METTL16: variants seen among roughly 807,000 people sequenced by gnomAD.
METTL16 encodes RNA N(6)-adenosine-methyltransferase METTL16.
In METTL16, 19 loss-of-function variants were observed where a neutral mutation model predicts 57.9. That is an observed-to-expected ratio of 0.33 (90% confidence interval 0.23 to 0.48). The LOEUF (loss-of-function observed/expected upper bound fraction) is 0.48, where lower values mean the gene tolerates loss of function less well. Among genes scored for constraint, METTL16 ranks in the 20% least tolerant of loss-of-function variants. METTL16 has a pLI of 0.99. For missense variants in METTL16, 434 were observed against 691.5 expected (o/e 0.63, Z 4.18); for synonymous variants, 246 against 255.6 (o/e 0.96, Z 0.36).
At chr17:2,478,466 T>A (rs1341640303) in intron 2 of METTL16, among the ~76,000 whole-genome samples, 1 of 152,224 alleles carries the variant, frequency 6.6e-6, no homozygotes, top group East Asian at 1.9e-4. Flanking sequence ...CATCAAATTT[T>A]AAATGTAACT....
intron 7 of METTL16, among the ~76,000 whole-genome samples, chr17:2,439,258 C>T (rs770542857): frequency 1.3e-5 from 2 of 152,068 alleles, no homozygotes; most frequent in African/African-American, 2.4e-5. Flanking sequence ...TACAAGCACG[C>T]GCCATCACAC....
At chr17:2,506,477 G>A (rs1400960026) in intron 1 of METTL16, among the ~76,000 whole-genome samples, 6 of 151,322 alleles carry the variant, frequency 4.0e-5, no homozygotes, top group South Asian at 2.1e-4. Flanking sequence ...TGGTGGAGAC[G>A]GGGTTTCGCT....
intron 8 of METTL16, among the ~76,000 whole-genome samples, chr17:2,430,529 C>T (rs2066866004): frequency 6.8e-6 from 1 of 147,074 alleles, no homozygotes. Flanking sequence ...CATTCTCCTG[C>T]CTCAGCCTCC....
rs1482698366 is a variant in METTL16, at chr17:2,419,172, T to C, written c.*798A>G. On this transcript the variant is annotated 3_prime_UTR_variant, in exon 10 of 10. Transcript: ENST00000263092. ...CAAATAGGACCGCTGGTTTTTAATT[T>C]GTGAATATTCTTATTTAAAAACAAA... 1 of 155,354 alleles carries C rather than the reference T, an allele frequency of 6.4e-6. No individual in the cohort carries two copies. The highest frequency in any genetic ancestry group is 6.3e-5 in the Admixed American group (1 of 15,874). The allele number at this position is 155,354 out of a possible 1,614,324, so 9.6% of individuals were successfully genotyped here. A position where few individuals can be genotyped will look rare whatever the true frequency, so the allele number is the denominator to read the frequency against.
At chr17:2,432,920 G>A (rs138280002) in intron 8 of METTL16, among the ~76,000 whole-genome samples, 5 of 152,286 alleles carry the variant, frequency 3.3e-5, no homozygotes, top group African/African-American at 1.2e-4. Flanking sequence ...GAAGTTTAGC[G>A]AAGTTAAGTA....
chr17:2,506,249 TC>T (rs1263022854), intron 1 of METTL16, among the ~76,000 whole-genome samples: 6 of 94,744 alleles, frequency 6.3e-5, no homozygotes, highest in African/African-American at 1.7e-4. Flanking sequence ...TCCCTCTCCC[TC>T]CCCCTCCCCC....
intron 2 of METTL16, among the ~76,000 whole-genome samples, chr17:2,494,548 T>G (rs1748313157): frequency 6.6e-6 from 1 of 152,130 alleles, no homozygotes; most frequent in Non-Finnish European, 1.5e-5. Context: ...ATCAGTGGTC[T>G]TTGTTTTTTG....
intron 2 of METTL16, among the ~76,000 whole-genome samples, chr17:2,481,757 C>G (rs2067308425): frequency 6.6e-6 from 1 of 151,992 alleles, no homozygotes; most frequent in Non-Finnish European, 1.5e-5. Context: ...AGACATGATT[C>G]AAGGTAACTT....
At position 2,417,252 on chromosome 17, in the gene METTL16, CG is replaced by C. The variant is rs2066726623; in HGVS notation, c.*2717del. 6.6e-6 allele frequency: 1 copy of C among 151,916 alleles called. No individual in the cohort carries two copies. The highest frequency in any genetic ancestry group is 2.0e-4 in the South Asian group (1 of 4,886). 9.4% of individuals were successfully genotyped at this position (151,916 alleles called of 1,614,324 possible). On this transcript the variant is annotated 3_prime_UTR_variant, in exon 10 of 10. Transcript: ENST00000263092. ...CTAATTTTTGTATTTTGAGTAGAGA[CG>C]GGGTTTCGCCATGTTGGCCAGGCTG... is the stretch of plus-strand genomic sequence containing the variant.
chr17:2,480,217 A>T (rs1285578823), intron 2 of METTL16, among the ~76,000 whole-genome samples: 1 of 151,936 alleles, frequency 6.6e-6, no homozygotes, highest in Non-Finnish European at 1.5e-5. Flanking sequence ...AGAAAAGAAA[A>T]AACATACCTT....
chr17:2,507,638 C>T (rs1460091999), intron 1 of METTL16, among the ~76,000 whole-genome samples: 3 of 152,176 alleles, frequency 2.0e-5, no homozygotes, highest in African/African-American at 7.2e-5. Context: ...CCCAACAGCT[C>T]ATTGAGAATG....
At chr17:2,469,098 G>A (rs1391099035) in intron 4 of METTL16, among the ~76,000 whole-genome samples, 1 of 152,018 alleles carries the variant, frequency 6.6e-6, no homozygotes, top group African/African-American at 2.4e-5. Context: ...TTAGACGGGT[G>A]TGGTGGTGGG....
chr17:2,469,544 GAC>G (rs2151566183), intron 4 of METTL16, among the ~76,000 whole-genome samples: 1 of 152,248 alleles, frequency 6.6e-6, no homozygotes, highest in East Asian at 1.9e-4. Flanking sequence ...TTGTTTTTGA[GAC>G]ACAGTCTCAT....
chr17:2,495,409 G>T (rs758622787), intron 2 of METTL16, among the ~76,000 whole-genome samples: 1 of 151,982 alleles, frequency 6.6e-6, no homozygotes, highest in African/African-American at 2.4e-5. Flanking sequence ...TGAAAAAGAT[G>T]ATTTCGGCTG....
At chr17:2,471,307 G>A (rs115800289) in intron 4 of METTL16, among the ~76,000 whole-genome samples, 2,103 of 152,238 alleles carry the variant, frequency 0.014, 48 homozygotes, top group African/African-American at 0.047. Flanking sequence ...GAGTCACTGG[G>A]ATTACATGCA....
chr17:2,447,789 T>C (rs1448940559), intron 6 of METTL16, among the ~76,000 whole-genome samples: 4 of 104,772 alleles, frequency 3.8e-5, no homozygotes, highest in Non-Finnish European at 5.6e-5. Context: ...AGCCGCCCCG[T>C]CCGGGAGGGA....
At position 2,420,603 on chromosome 17, in the gene METTL16, G is replaced by T; in HGVS notation, c.1063-7C>A. On this transcript the variant is annotated splice_polypyrimidine_tract_variant and splice_region_variant and intron_variant, in intron 9 of 9. Coordinates refer to ENST00000263092, the MANE Select transcript of METTL16 (RefSeq NM_024086.4). This position sits in a 1 kb window ranked among gnomAD's most constrained non-coding sequence, Gnocchi z 5.4. ...GAACTCGTTTATGCTGGACCTGTTT[G>T]GAGGAAAAACAGAATTTTGTGGGAA... 1 of 1,585,534 alleles carries T rather than the reference G, an allele frequency of 6.3e-7. No individual in the cohort carries two copies. Among genetic ancestry groups the T allele is most frequent in the South Asian group, 1.2e-5 (1 of 86,486 alleles).
intron 6 of METTL16, among the ~76,000 whole-genome samples, chr17:2,444,380 G>T (rs566606328): frequency 1.3e-5 from 2 of 152,216 alleles, no homozygotes; most frequent in Admixed American, 1.3e-4. Flanking sequence ...AACCCCAGAG[G>T]TGGAGGTTGC....
intron 1 of METTL16, among the ~76,000 whole-genome samples, chr17:2,511,404 C>A (rs1425989147): frequency 1.3e-5 from 2 of 152,112 alleles, no homozygotes; most frequent in Non-Finnish European, 2.9e-5. Context: ...CTTCTCTCTT[C>A]GCCTTCTCTC....
Sources: gnomAD v4.1 joint callset for allele counts (sites outside exome capture counted in the v4.1 genomes callset) on GRCh38, gnomAD v4.1.1 for gene constraint, Gnocchi (gnomAD v3.1) non-coding constraint, MANE v1.5 for transcripts, NCBI Gene and HGNC (gene_info 2026-07-23, HGNC 2026-07-21) for gene names.